TAFA1: variants seen among roughly 807,000 people sequenced by gnomAD.
The protein encoded by TAFA1 is TAFA chemokine like family member 1.
In TAFA1, 4 loss-of-function variants were observed where a neutral mutation model predicts 18.5. The ratio of observed to expected loss-of-function variants is 0.22; its 90% CI spans 0.11 to 0.49. The LOEUF is 0.49. Ranked by LOEUF, TAFA1 falls within the 20% of genes least tolerant of loss-of-function variation. The pLI is 0.98. For synonymous variants in TAFA1, 56 were observed against 55.2 expected (o/e 1.01, Z -0.06); for missense variants, 147 against 169.0 (o/e 0.87, Z 0.72).
At chr3:68,344,256 G>A (rs1459504146) in intron 2 of TAFA1, among the ~76,000 whole-genome samples, 1 of 152,142 alleles carries the variant, frequency 6.6e-6, no homozygotes, top group Non-Finnish European at 1.5e-5. Flanking sequence ...ACATCTGTTA[G>A]GGTGTTTGAA....
chr3:68,448,395 A>G (rs1364615423), intron 3 of TAFA1, among the ~76,000 whole-genome samples: 1 of 152,232 alleles, frequency 6.6e-6, no homozygotes, highest in Non-Finnish European at 1.5e-5. Context: ...CAGTGAGTCT[A>G]ATAGAAACCA....
intron 2 of TAFA1, among the ~76,000 whole-genome samples, chr3:68,278,713 C>T (rs2067840704): frequency 6.6e-6 from 1 of 152,098 alleles, no homozygotes; most frequent in Non-Finnish European, 1.5e-5. Context: ...CTATGGTTCT[C>T]AAACTTCAGC....
chr3:68,371,430 T>C (rs368131388), intron 2 of TAFA1, among the ~76,000 whole-genome samples: 2 of 152,070 alleles, frequency 1.3e-5, no homozygotes, highest in Non-Finnish European at 2.9e-5. Context: ...CCTGTGTCCA[T>C]GTGTTCTTAT....
At chr3:68,061,843 G>T (rs760569096) in intron 2 of TAFA1, among the ~76,000 whole-genome samples, 3 of 152,146 alleles carry the variant, frequency 2.0e-5, no homozygotes, top group Non-Finnish European at 4.4e-5. Context: ...AGGAGGGGGA[G>T]GTTGAACCAC....
intron 2 of TAFA1, among the ~76,000 whole-genome samples, chr3:68,248,363 A>G (rs527318515): frequency 6.6e-6 from 1 of 152,264 alleles, no homozygotes; most frequent in Admixed American, 6.5e-5. Context: ...ATAAAGCTAT[A>G]TAATTGTAGA....
intron 2 of TAFA1, among the ~76,000 whole-genome samples, chr3:68,041,925 G>A (rs1166956480): frequency 6.6e-6 from 1 of 152,124 alleles, no homozygotes; most frequent in Non-Finnish European, 1.5e-5. Flanking sequence ...TCATGGACCT[G>A]GAGTAGAGAT....
At chr3:68,146,634 C>G (rs1270670743) in intron 2 of TAFA1, among the ~76,000 whole-genome samples, 1 of 152,202 alleles carries the variant, frequency 6.6e-6, no homozygotes, top group Non-Finnish European at 1.5e-5. Context: ...CTCTAGAATT[C>G]CCCTTAAGTA....
At chr3:68,325,631 A>G (rs566757341) in intron 2 of TAFA1, among the ~76,000 whole-genome samples, 4 of 152,180 alleles carry the variant, frequency 2.6e-5, no homozygotes, top group Non-Finnish European at 2.9e-5. Context: ...CTCATTTTCT[A>G]TAAAATCAAG....
At position 68,545,241 on chromosome 3, in the gene TAFA1, G is replaced by A. The variant is rs76387714; in HGVS notation, c.*738G>A. ...CAGGAAAATATTTTTAGAACTACTA[G>A]CTTTTCCACTTAGAAGAAAATGAGG... On this transcript the variant is annotated 3_prime_UTR_variant, in exon 5 of 5. Coordinates refer to ENST00000478136, the MANE Select transcript of TAFA1 (RefSeq NM_213609.4). 4,626 of 152,550 alleles carry A rather than the reference G, an allele frequency of 0.03. 89 individuals are homozygous for A. The highest frequency in any genetic ancestry group is 0.068 in the Middle Eastern group (20 of 294). 9.4% of individuals were successfully genotyped at this position (152,550 alleles called of 1,614,324 possible).
chr3:68,118,808 A>T (rs1044857905), intron 2 of TAFA1, among the ~76,000 whole-genome samples: 22 of 152,228 alleles, frequency 1.4e-4, no homozygotes, highest in African/African-American at 5.3e-4. Flanking sequence ...CCATCTGTGC[A>T]CTATTGTGAA....
intron 2 of TAFA1, among the ~76,000 whole-genome samples, chr3:68,380,985 T>C (rs543575500): frequency 6.7e-6 from 1 of 148,776 alleles, no homozygotes; most frequent in African/African-American, 2.5e-5. Flanking sequence ...GCTTTCTACA[T>C]ATGGCTAGCT....
At chr3:68,180,200 T>C (rs79310948) in intron 2 of TAFA1, among the ~76,000 whole-genome samples, 2 of 844 alleles carry the variant, frequency 2.4e-3, no homozygotes, top group African/African-American at 3.6e-3. Context: ...ACCTGGCTAA[T>C]TTTTTTTTTT....
At chr3:68,080,530 A>C (rs1383318313) in intron 2 of TAFA1, among the ~76,000 whole-genome samples, 3 of 151,756 alleles carry the variant, frequency 2.0e-5, no homozygotes, top group Non-Finnish European at 2.9e-5. Flanking sequence ...ATCTCTCAGC[A>C]TTTGCTTGTC....
chr3:68,422,139 T>C (rs2070966189), intron 3 of TAFA1, among the ~76,000 whole-genome samples: 1 of 152,194 alleles, frequency 6.6e-6, no homozygotes, highest in Non-Finnish European at 1.5e-5. Flanking sequence ...ACTAAAATGC[T>C]GTAGCAAAGT....
chr3:68,288,303 G>T (rs1484324751), intron 2 of TAFA1, among the ~76,000 whole-genome samples: 2 of 152,176 alleles, frequency 1.3e-5, no homozygotes, highest in Non-Finnish European at 2.9e-5. Flanking sequence ...AGAACATTTA[G>T]TTTTTTAAGC....
At chr3:68,494,418 T>G (rs1198068990) in intron 3 of TAFA1, among the ~76,000 whole-genome samples, 2 of 152,202 alleles carry the variant, frequency 1.3e-5, no homozygotes, top group African/African-American at 4.8e-5. Flanking sequence ...ATTCTCCTCT[T>G]TTTTCTCTGT....
chr3:68,156,020 G>T (rs2065863006), intron 2 of TAFA1, among the ~76,000 whole-genome samples: 1 of 152,002 alleles, frequency 6.6e-6, no homozygotes, highest in African/African-American at 2.4e-5. Flanking sequence ...AGTACCAGGT[G>T]GTCCAAACCC....
chr3:68,428,742 A>C (rs1269781210), intron 3 of TAFA1, among the ~76,000 whole-genome samples: 1 of 151,956 alleles, frequency 6.6e-6, no homozygotes, highest in Non-Finnish European at 1.5e-5. Context: ...CTATCAATTT[A>C]TATTACTTAG....
At chr3:68,165,849 A>T (rs2065976122) in intron 2 of TAFA1, among the ~76,000 whole-genome samples, 1 of 152,250 alleles carries the variant, frequency 6.6e-6, no homozygotes, top group African/African-American at 2.4e-5. Flanking sequence ...TATCCCCAGC[A>T]TCTACTGCAG....
Sources: gnomAD v4.1 joint callset for allele counts (sites outside exome capture counted in the v4.1 genomes callset) on GRCh38, gnomAD v4.1.1 for gene constraint, MANE v1.5 for transcripts, NCBI Gene and HGNC (gene_info 2026-07-23, HGNC 2026-07-21) for gene names.